CPNE8: variants seen among roughly 807,000 people sequenced by gnomAD.
CPNE8 encodes the protein copine-8.
Under a neutral mutation model 81.5 loss-of-function variants are expected in CPNE8, and 45 were observed. That is an observed-to-expected ratio of 0.55 (90% CI 0.44 to 0.71). CPNE8 has a LOEUF of 0.71. CPNE8 is among the 30% of genes least tolerant of loss of function. The pLI is 0.00. For synonymous variants in CPNE8, 252 were observed against 226.3 expected, an observed-to-expected ratio of 1.11 and a Z score of -1.02; for missense variants, 594 against 672.1, an observed-to-expected ratio of 0.88 and a Z score of 1.28.
At chr12:38,903,216 C>T (rs1309415704) in intron 1 of CPNE8, among the ~76,000 whole-genome samples, 1 of 152,082 alleles carries the variant, frequency 6.6e-6, no homozygotes, top group East Asian at 1.9e-4. Context: ...TGCTTTTTAC[C>T]TCAAACTTAT....
chr12:38,667,965 T>G (rs1256344920), intron 19 of CPNE8, among the ~76,000 whole-genome samples: 3 of 151,998 alleles, frequency 2.0e-5, no homozygotes, highest in African/African-American at 7.2e-5. Context: ...ACGCTGGTAA[T>G]TTTTTGTATT....
At position 38,905,528 on chromosome 12, in the gene CPNE8, T is replaced by C. The variant is rs781190943; in HGVS notation, c.7A>G (p.Ser3Gly). MD[S>G]RYNSTAGIGD... ...ATGCCCGCAGTGCTGTTGTAGCGGC[T>C]GTCCATATTGGGAGGAGGCGCCTTG... Residue 3 changes from serine to glycine, a missense_variant, in exon 1 of 20, where the codon AGC becomes GGC. Ser to Gly is a moderately conservative substitution (Grantham distance 56). Transcript: ENST00000331366. The C allele has an allele frequency of 1.9e-5, 30 of 1,563,448 alleles. No homozygotes were observed. In the East Asian group the frequency reaches 6.6e-4, roughly 34 times the overall value.
intron 19 of CPNE8, among the ~76,000 whole-genome samples, chr12:38,668,971 G>A (rs1939116496): frequency 6.6e-6 from 1 of 151,830 alleles, no homozygotes; most frequent in African/African-American, 2.4e-5. Flanking sequence ...GGAGAATGAC[G>A]TTAACCCAGG....
intron 13 of CPNE8, among the ~76,000 whole-genome samples, chr12:38,707,571 A>G (rs531748015): frequency 9.2e-5 from 14 of 152,302 alleles, no homozygotes; most frequent in African/African-American, 3.4e-4. Flanking sequence ...GGATGCATTC[A>G]TTTAGCACTA....
At chr12:38,801,746 C>T (rs1209190696) in intron 6 of CPNE8, among the ~76,000 whole-genome samples, 2 of 83,460 alleles carry the variant, frequency 2.4e-5, no homozygotes, top group East Asian at 7.6e-4. Flanking sequence ...CATCAGTGTG[C>T]TGTATTCAGG....
intron 10 of CPNE8, among the ~76,000 whole-genome samples, chr12:38,760,551 T>C (rs980053977): frequency 1.1e-4 from 16 of 151,426 alleles, no homozygotes; most frequent in African/African-American, 3.6e-4. Flanking sequence ...TTCAGAGAAA[T>C]TTTGAAATGC....
At chr12:38,739,896 TAGATA>T (rs975851272) in intron 10 of CPNE8, among the ~76,000 whole-genome samples, 8 of 152,174 alleles carry the variant, frequency 5.3e-5, no homozygotes, top group African/African-American at 1.4e-4. Context: ...TGCTCTAAAG[TAGATA>T]AGATAAGGTA....
intron 6 of CPNE8, among the ~76,000 whole-genome samples, chr12:38,780,277 T>A (rs2136901530): frequency 6.6e-6 from 1 of 152,232 alleles, no homozygotes; most frequent in Non-Finnish European, 1.5e-5. Flanking sequence ...AAGAAGGATA[T>A]AAATAAATTA....
intron 5 of CPNE8, among the ~76,000 whole-genome samples, chr12:38,839,560 C>T (rs555811068): frequency 6.6e-6 from 1 of 151,984 alleles, no homozygotes; most frequent in Admixed American, 6.6e-5. Context: ...ACTCTGCCTA[C>T]ACTCAGCTAC....
intron 6 of CPNE8, among the ~76,000 whole-genome samples, chr12:38,787,389 T>C (rs1942218230): frequency 6.7e-6 from 1 of 150,130 alleles, no homozygotes; most frequent in Admixed American, 6.7e-5. Flanking sequence ...AAATTGAAAA[T>C]TTTTCTTGAA....
intron 10 of CPNE8, among the ~76,000 whole-genome samples, chr12:38,740,707 T>C (rs909491894): frequency 9.2e-5 from 14 of 152,336 alleles, no homozygotes; most frequent in Admixed American, 9.2e-4. Flanking sequence ...GATTTGCATA[T>C]GTTGAACCAG....
chr12:38,749,701 T>G (rs893520975), intron 10 of CPNE8, among the ~76,000 whole-genome samples: 2 of 152,132 alleles, frequency 1.3e-5, no homozygotes, highest in Non-Finnish European at 2.9e-5. Flanking sequence ...AGAGAGATGA[T>G]TTAGGGTATC....
Position 38,782,242 on chromosome 12 carries a change from G to T in CPNE8, c.408-5941C>A, listed in dbSNP as rs565595978. 2.6e-5 allele frequency among the ~76,000 whole-genome samples: 4 copies of T among 152,076 alleles called. No individual in the cohort carries two copies. The South Asian group carries it at 8.3e-4, about 32-fold the overall frequency. ...ACAAAGTTTATTGAAACAATGCAAGGTCAATAAAAGACAAAGGCTAAGAAA... is the reference window on the plus strand; with the variant it reads ...ACAAAGTTTATTGAAACAATGCAAGTTCAATAAAAGACAAAGGCTAAGAAA... On this transcript the variant is annotated intron_variant, in intron 6 of 19. Transcript: ENST00000331366.
intron 13 of CPNE8, among the ~76,000 whole-genome samples, chr12:38,706,143 A>T (rs535519662): frequency 6.8e-4 from 104 of 152,228 alleles, no homozygotes; most frequent in African/African-American, 2.0e-3. Flanking sequence ...CTCCAGTTAA[A>T]TATTTGCAAA....
intron 19 of CPNE8, among the ~76,000 whole-genome samples, chr12:38,664,602 A>G (rs1280145263): frequency 6.6e-6 from 1 of 152,152 alleles, no homozygotes; most frequent in Non-Finnish European, 1.5e-5. Flanking sequence ...AGCAAGTCCT[A>G]CAGGATATGC....
intron 10 of CPNE8, among the ~76,000 whole-genome samples, chr12:38,749,452 A>C (rs1941306256): frequency 6.6e-6 from 1 of 152,194 alleles, no homozygotes; most frequent in African/African-American, 2.4e-5. Flanking sequence ...TGACAGGCAG[A>C]GGCTGGAACA....
At chr12:38,670,578 C>A in intron 19 of CPNE8, 151 bp downstream of exon 19, 1 of 537,838 alleles carries the variant, frequency 1.9e-6, no homozygotes, top group Non-Finnish European at 3.2e-6. Context: ...CTCTGAGTAT[C>A]TACCAGATTA....
chr12:38,821,461 T>G (rs1286514201), intron 6 of CPNE8, among the ~76,000 whole-genome samples: 2 of 152,176 alleles, frequency 1.3e-5, no homozygotes, highest in Non-Finnish European at 2.9e-5. Flanking sequence ...GTAAAATAAT[T>G]TTTCCTTTTG....
chr12:38,867,545 C>A (rs1411186604), intron 3 of CPNE8, among the ~76,000 whole-genome samples: 1 of 152,078 alleles, frequency 6.6e-6, no homozygotes, highest in Non-Finnish European at 1.5e-5. Context: ...AGTTCATAAA[C>A]AACTTCCACT....
Sources: gnomAD v4.1 joint callset for allele counts (sites outside exome capture counted in the v4.1 genomes callset) on GRCh38, gnomAD v4.1.1 for gene constraint, MANE v1.5 for transcripts, NCBI Gene and HGNC (gene_info 2026-07-23, HGNC 2026-07-21) for gene names.